Variants in RCSD1 observed in about 807,000 individuals in gnomAD.
The protein encoded by RCSD1 is RCSD domain containing 1.
Under a neutral mutation model 42.5 loss-of-function variants are expected in RCSD1, and 26 were observed. The observed-to-expected ratio is 0.61, with a 90% CI of 0.45 to 0.85. The LOEUF is 0.85. Among genes scored for constraint, RCSD1 ranks in the 40% least tolerant of loss-of-function variants. RCSD1 has a pLI of 0.00. For synonymous variants in RCSD1, 220 were observed against 212.2 expected (o/e 1.04, Z -0.32); for missense variants, 571 against 528.3 (o/e 1.08, Z -0.79).
chr1:167,697,016 A>AT, intron 5 of RCSD1, 83 bp from the exon 6 acceptor site: 2 of 1,291,100 alleles, frequency 1.5e-6, no homozygotes, highest in South Asian at 1.4e-5. Context: ...AGTGCACCAG[A>AT]CTGACATTGA....
intron 1 of RCSD1, among the ~76,000 whole-genome samples, chr1:167,649,511 C>T (rs182079530): frequency 7.2e-5 from 11 of 152,326 alleles, no homozygotes; most frequent in Non-Finnish European, 1.3e-4. Context: ...GGCCTCACCA[C>T]TTGTTTTATT....
intron 1 of RCSD1, among the ~76,000 whole-genome samples, chr1:167,647,568 TA>T (rs1473678751): frequency 6.6e-6 from 1 of 151,750 alleles, no homozygotes. Flanking sequence ...AATAACTAAC[TA>T]AATTAATTAA....
chr1:167,632,458 G>A (rs576970959), intron 1 of RCSD1, among the ~76,000 whole-genome samples: 1 of 152,196 alleles, frequency 6.6e-6, no homozygotes, highest in African/African-American at 2.4e-5. Flanking sequence ...AGATGAGGAA[G>A]GAATAGTGTA....
chr1:167,673,026 C>T (rs1459600366), intron 1 of RCSD1, among the ~76,000 whole-genome samples: 1 of 152,126 alleles, frequency 6.6e-6, no homozygotes, highest in East Asian at 1.9e-4. Flanking sequence ...GCTGAGACTG[C>T]AAGAGCTCAT....
At chr1:167,681,821 C>T (rs1659088604) in intron 1 of RCSD1, among the ~76,000 whole-genome samples, 1 of 152,220 alleles carries the variant, frequency 6.6e-6, no homozygotes, top group South Asian at 2.1e-4. Flanking sequence ...TAATCACACA[C>T]TGTCCCCAAG....
chr1:167,654,056 C>T (rs1306015662), intron 1 of RCSD1, among the ~76,000 whole-genome samples: 1 of 152,178 alleles, frequency 6.6e-6, no homozygotes, highest in Non-Finnish European at 1.5e-5. Flanking sequence ...GATCATAATG[C>T]TTGGCTGGTT....
At chr1:167,699,750 A>T (rs1193355687) in intron 6 of RCSD1, among the ~76,000 whole-genome samples, 1 of 152,112 alleles carries the variant, frequency 6.6e-6, no homozygotes, top group East Asian at 1.9e-4. Context: ...AGCCATGCTG[A>T]GGTCTTTTTG....
chr1:167,700,014 A>G (rs897983337), intron 6 of RCSD1, among the ~76,000 whole-genome samples: 5 of 152,156 alleles, frequency 3.3e-5, no homozygotes, highest in African/African-American at 1.2e-4. Flanking sequence ...TCTCCTGTGT[A>G]TTTTTTAATT....
At chr1:167,679,418 G>A (rs1659027049) in intron 1 of RCSD1, among the ~76,000 whole-genome samples, 1 of 152,196 alleles carries the variant, frequency 6.6e-6, no homozygotes, top group Admixed American at 6.5e-5. Flanking sequence ...GTCAAACATT[G>A]GGATACATTG....
intron 1 of RCSD1, among the ~76,000 whole-genome samples, chr1:167,669,389 G>T (rs571444472): frequency 1.3e-5 from 2 of 152,206 alleles, no homozygotes; most frequent in Non-Finnish European, 2.9e-5. Context: ...TGTAGTCTGG[G>T]CTTGCTTGAA....
intron 1 of RCSD1, among the ~76,000 whole-genome samples, chr1:167,635,856 C>G (rs1657835320): frequency 6.6e-6 from 1 of 152,226 alleles, no homozygotes; most frequent in Admixed American, 6.5e-5. Context: ...GGAAAGCCAA[C>G]AGCTTGCAAT....
At chr1:167,685,958 C>T (rs748482041) in intron 3 of RCSD1, among the ~76,000 whole-genome samples, 12 of 152,116 alleles carry the variant, frequency 7.9e-5, no homozygotes, top group Non-Finnish European at 1.3e-4. Context: ...CTGCAGTATC[C>T]TTGTAAAGCC....
rs191098895 is a variant in RCSD1, at chr1:167,697,244, T to G, written c.620T>G (p.Leu207Trp). ...AAGGAAGAGGATGGGGATGAAGTGT[T>G]GCCATCCAAGAGCAAGGCCCCAGGA... ...GAKEEDGDEV[L>W]PSKSKAPGSP... Residue 207 changes from leucine to tryptophan, a missense_variant, in exon 6 of 7, where the codon TTG becomes TGG. Coordinates refer to ENST00000367854, the MANE Select transcript of RCSD1 (RefSeq NM_052862.4). 2.8e-4 allele frequency: 446 copies of G among 1,614,146 alleles called. 1 individual carries two copies. The highest frequency in any genetic ancestry group is 1.4e-3 in the Admixed American group (83 of 60,020).
intron 1 of RCSD1, among the ~76,000 whole-genome samples, chr1:167,672,959 C>T (rs58734071): frequency 0.016 from 2,397 of 152,144 alleles, 59 homozygotes; most frequent in African/African-American, 0.055. Context: ...CACAACTATC[C>T]CGTGATAGTT....
At chr1:167,665,369 A>G (rs140835735) in intron 1 of RCSD1, among the ~76,000 whole-genome samples, 250 of 152,320 alleles carry the variant, frequency 1.6e-3, no homozygotes, top group African/African-American at 5.8e-3. Flanking sequence ...TTACCCATTG[A>G]TGGACATTTG....
At chr1:167,650,615 G>A (rs1658277313) in intron 1 of RCSD1, among the ~76,000 whole-genome samples, 2 of 152,206 alleles carry the variant, frequency 1.3e-5, no homozygotes, top group African/African-American at 4.8e-5. Context: ...CAAGATCTCT[G>A]TTCCAGCCAC....
At chr1:167,639,142 G>A (rs929366020) in intron 1 of RCSD1, among the ~76,000 whole-genome samples, 7 of 152,094 alleles carry the variant, frequency 4.6e-5, no homozygotes, top group South Asian at 2.1e-4. Flanking sequence ...GCGTGAACCC[G>A]GGAAGCGGAG....
intron 1 of RCSD1, among the ~76,000 whole-genome samples, chr1:167,683,088 C>A (rs948132428): frequency 6.6e-6 from 1 of 152,152 alleles, no homozygotes. Flanking sequence ...GCATCTTGGC[C>A]TCTTCAGGGA....
intron 1 of RCSD1, among the ~76,000 whole-genome samples, chr1:167,682,470 T>C (rs1027072917): frequency 1.3e-5 from 2 of 152,148 alleles, no homozygotes; most frequent in Non-Finnish European, 2.9e-5. Flanking sequence ...GTCCGGCCTG[T>C]CAAAGCCTTC....
Sources: allele counts gnomAD v4.1 joint callset (sites outside exome capture counted in the v4.1 genomes callset), GRCh38; gene constraint gnomAD v4.1.1; transcripts MANE v1.5; gene names NCBI Gene and HGNC (gene_info 2026-07-23, HGNC 2026-07-21).